EXOC4: variants seen among roughly 807,000 people sequenced by gnomAD.
EXOC4 encodes the protein exocyst complex component 4.
EXOC4 carries 71 observed loss-of-function variants against 107.2 expected under a neutral mutation model. That is an observed-to-expected ratio of 0.66 (90% CI 0.55 to 0.81). The LOEUF (loss-of-function observed/expected upper bound fraction) is 0.81. Ranked by LOEUF, EXOC4 falls within the 30% of genes least tolerant of loss-of-function variation. EXOC4 has a pLI of 0.00. For synonymous variants in EXOC4, 456 were observed against 441.2 expected, an observed-to-expected ratio of 1.03 and a Z score of -0.42; for missense variants, 1,108 against 1,189.6, an observed-to-expected ratio of 0.93 and a Z score of 1.01.
At chr7:133,854,239 G>A (rs957973781) in intron 11 of EXOC4, among the ~76,000 whole-genome samples, 21 of 152,292 alleles carry the variant, frequency 1.4e-4, no homozygotes, top group African/African-American at 4.8e-4. Flanking sequence ...TCCTCAGGGT[G>A]AGGCTGGGGT....
At chr7:133,584,027 G>C (rs1801339045) in intron 9 of EXOC4, among the ~76,000 whole-genome samples, 1 of 152,170 alleles carries the variant, frequency 6.6e-6, no homozygotes, top group Non-Finnish European at 1.5e-5. Context: ...AGTGCGAGAT[G>C]ACTATGGCTC....
At position 133,792,544 on chromosome 7, in the gene EXOC4, C is replaced by A. The variant is rs1284940242; in HGVS notation, c.1515-24781C>A. On this transcript the variant is annotated intron_variant, in intron 10 of 17. Coordinates refer to ENST00000253861, the MANE Select transcript of EXOC4 (RefSeq NM_021807.4). ...CTCCAGCCTGGGTAACAGAGTGAGA[C>A]CCTGTCTCCAAAAAAAAAAAAAAAA... 3.8e-5 allele frequency among the ~76,000 whole-genome samples: 3 copies of A among 78,512 alleles called. No homozygotes were observed. In the East Asian group the frequency reaches 1.1e-3, roughly 29 times the overall value. 51.5% of individuals were successfully genotyped at this position (78,512 alleles called of 152,430 possible). A position where few individuals can be genotyped will look rare whatever the true frequency, so the allele number is the denominator to read the frequency against.
At chr7:133,952,191 A>C (rs1800708624) in intron 14 of EXOC4, among the ~76,000 whole-genome samples, 1 of 152,016 alleles carries the variant, frequency 6.6e-6, no homozygotes, top group Non-Finnish European at 1.5e-5. Context: ...GAAGCTGTTG[A>C]ATTGTGGCTT....
At chr7:133,576,955 T>TGAGTGA in intron 9 of EXOC4, 1 of 932,320 alleles carries the variant, frequency 1.1e-6, no homozygotes, top group Non-Finnish European at 1.5e-6. Flanking sequence ...TGTGGGTAGG[T>TGAGTGA]GAGTGAGAGT....
At chr7:134,099,649 G>T in the EXOC4 span, among the ~76,000 whole-genome samples, 4 of 148,650 alleles carry the variant, frequency 2.7e-5, no homozygotes, top group East Asian at 6.1e-4. Flanking sequence ...TCCTGCCTCA[G>T]CCTCCCATGT....
intron 10 of EXOC4, among the ~76,000 whole-genome samples, chr7:133,765,335 A>G (rs555957280): frequency 1.3e-5 from 2 of 152,166 alleles, no homozygotes; most frequent in Admixed American, 1.3e-4. Context: ...AACATGTATG[A>G]CACAAAATTT....
chr7:133,377,915 C>T (rs577754671), intron 7 of EXOC4, among the ~76,000 whole-genome samples: 1 of 152,074 alleles, frequency 6.6e-6, no homozygotes, highest in South Asian at 2.1e-4. Flanking sequence ...TTTTGTGTTA[C>T]CGAAAATATT....
chr7:133,998,940 G>A (rs1312814354), intron 15 of EXOC4, among the ~76,000 whole-genome samples: 2 of 152,056 alleles, frequency 1.3e-5, no homozygotes, highest in East Asian at 1.9e-4. Context: ...TGGACACAGG[G>A]GCTGGTGCAA....
At chr7:133,325,620 C>T (rs1031371252) in intron 5 of EXOC4, among the ~76,000 whole-genome samples, 2 of 152,192 alleles carry the variant, frequency 1.3e-5, no homozygotes, top group African/African-American at 4.8e-5. Context: ...GTAACCCGAC[C>T]TTTCTCTCTG....
At chr7:133,791,634 A>G (rs1796705579) in intron 10 of EXOC4, among the ~76,000 whole-genome samples, 1 of 152,236 alleles carries the variant, frequency 6.6e-6, no homozygotes. Context: ...GCAAATTAGT[A>G]ATATAAGTTC....
chr7:133,764,366 A>AT (rs1562987916), intron 10 of EXOC4, among the ~76,000 whole-genome samples: 1 of 152,034 alleles, frequency 6.6e-6, no homozygotes. Context: ...TCGTCAAAAT[A>AT]TGAAGTCCTC....
At chr7:133,793,359 G>C (rs541485791) in intron 10 of EXOC4, among the ~76,000 whole-genome samples, 183 of 152,208 alleles carry the variant, frequency 1.2e-3, no homozygotes, top group Middle Eastern at 3.4e-3. Context: ...ACTAACACTT[G>C]TGTGCCCAGA....
chr7:134,001,792 C>A (rs1794536493), intron 15 of EXOC4, among the ~76,000 whole-genome samples: 1 of 152,216 alleles, frequency 6.6e-6, no homozygotes, highest in South Asian at 2.1e-4. Flanking sequence ...TGGCCTGTGC[C>A]CATCTCCCCA....
chr7:133,820,154 A>ATTTTTTTTTTTTTTT (rs35640945), intron 11 of EXOC4, among the ~76,000 whole-genome samples: 2 of 70,300 alleles, frequency 2.8e-5, no homozygotes, highest in Non-Finnish European at 2.8e-5. Context: ...CACCTGCTTC[A>ATTTTTTTTTTTTTTT]TTTTTTTTTT....
chr7:133,488,920 A>G (rs1485576039), intron 9 of EXOC4, among the ~76,000 whole-genome samples: 2 of 149,748 alleles, frequency 1.3e-5, no homozygotes, highest in Non-Finnish European at 3.0e-5. Flanking sequence ...GTAAACATTT[A>G]TAATGTAATA....
rs201917358 is a variant in EXOC4 at position 133,895,769 on chromosome 7, G to A, written c.1871+34G>A. 14 of 1,594,880 alleles carry A rather than the reference G, an allele frequency of 8.8e-6. No homozygotes were observed. The African/African-American group carries it at 1.6e-4, about 18-fold the overall frequency. On this transcript the variant is annotated intron_variant, in intron 12 of 17. Coordinates refer to ENST00000253861, the MANE Select transcript of EXOC4 (RefSeq NM_021807.4). ...TCTGTTAGGGGCTAAGCAAAGTAAC[G>A]TTTGAGCCTGATGGTGGTTCCAATT...
intron 11 of EXOC4, among the ~76,000 whole-genome samples, chr7:133,840,986 C>T (rs531460285): frequency 5.3e-5 from 8 of 152,128 alleles, no homozygotes; most frequent in South Asian, 2.1e-4. Context: ...TTCGGGCTGC[C>T]GTAACAAAAT....
In EXOC4 at chr7:133,407,854, C is replaced by CT. The variant is rs544325284; in HGVS notation, c.1182+32861dup. 5.9e-5 allele frequency among the ~76,000 whole-genome samples: 9 copies of CT among 151,570 alleles called. No homozygotes were observed. The Middle Eastern group carries it at 0.01, about 172-fold the overall frequency. ...ATTTCTAGATGCACACCTGGTGACA[C>CT]TTTTTTTTTGTCCTCTCAATAATTA... On this transcript the variant is annotated intron_variant, in intron 7 of 17. Coordinates refer to ENST00000253861, the MANE Select transcript of EXOC4 (RefSeq NM_021807.4).
At position 133,317,327 on chromosome 7, in the gene EXOC4, A is replaced by G. The variant is rs974892070; in HGVS notation, c.700A>G (p.Asn234Asp). 5.0e-6 allele frequency: 8 copies of G among 1,613,684 alleles called. No homozygotes were observed. The highest frequency in any genetic ancestry group is 1.7e-5 in the Admixed American group (1 of 59,976). Reference protein sequence around the residue: ...DASVPLIDVTNLPTPRKFLDT... With the variant: ...DASVPLIDVTDLPTPRKFLDT... ...TTCTGTTCCTCTGATTGATGTTACA[A>G]ACCTCCCTACTCCTCGAAAATTCCT... Residue 234 changes from asparagine (N) to aspartate (D), a missense_variant, in exon 5 of 18, where the codon AAC (asparagine) becomes GAC (aspartate). Transcript: ENST00000253861.
Sources: allele counts gnomAD v4.1 joint callset (sites outside exome capture counted in the v4.1 genomes callset), GRCh38; gene constraint gnomAD v4.1.1; transcripts MANE v1.5; gene names NCBI Gene and HGNC (gene_info 2026-07-23, HGNC 2026-07-21).